The following RBFOX1 variants were observed in gnomAD, a reference collection of about 807,000 sequenced individuals.
RBFOX1 encodes the protein RNA binding protein fox-1 homolog 1.
RBFOX1 carries 8 observed loss-of-function variants against 57.7 expected under a neutral mutation model. That is an observed-to-expected ratio of 0.14 (90% CI 0.08 to 0.25). The LOEUF (loss-of-function observed/expected upper bound fraction) is 0.25, where lower values mean the gene tolerates loss of function less well. Ranked by LOEUF, RBFOX1 falls within the 10% of genes least tolerant of loss-of-function variation. The pLI is 1.00. For synonymous variants in RBFOX1, 326 were observed against 222.4 expected, an observed-to-expected ratio of 1.47 and a Z score of -4.15; for missense variants, 611 against 548.5, an observed-to-expected ratio of 1.11 and a Z score of -1.14.
intron 4 of RBFOX1, among the ~76,000 whole-genome samples, chr16:7,180,960 C>A (rs891103633): frequency 6.6e-6 from 1 of 152,322 alleles, no homozygotes; most frequent in African/African-American, 2.4e-5. Context: ...AACTACTCAG[C>A]TTTGCAGTTG....
chr16:5,477,837 T>A (rs927229995), intron 2 of RBFOX1, among the ~76,000 whole-genome samples: 60 of 152,306 alleles, frequency 3.9e-4, no homozygotes, highest in African/African-American at 1.4e-3. Flanking sequence ...AATTTCTGGC[T>A]CAGACACTAT....
intron 2 of RBFOX1, among the ~76,000 whole-genome samples, chr16:6,470,593 G>A (rs979515098): frequency 2.6e-5 from 4 of 152,144 alleles, no homozygotes; most frequent in African/African-American, 9.7e-5. Flanking sequence ...TATCTATCCA[G>A]TTGCCTCTTG....
chr16:7,303,508 C>T (rs1010230127), intron 4 of RBFOX1, among the ~76,000 whole-genome samples: 5 of 152,202 alleles, frequency 3.3e-5, no homozygotes, highest in Non-Finnish European at 7.3e-5. Context: ...CGCTCGCCTG[C>T]TCACCGGCAG....
At chr16:6,003,903 C>A (rs1358708128) in intron 4 of RBFOX1, among the ~76,000 whole-genome samples, 1 of 152,166 alleles carries the variant, frequency 6.6e-6, no homozygotes, top group Non-Finnish European at 1.5e-5. Context: ...TTAAGAGAGT[C>A]CACAAATCTG....
chr16:6,714,932 A>C (rs914989830), intron 3 of RBFOX1, among the ~76,000 whole-genome samples: 1 of 152,192 alleles, frequency 6.6e-6, no homozygotes, highest in Non-Finnish European at 1.5e-5. Flanking sequence ...ATTGGAGCTG[A>C]AGACTTAAGT....
chr16:6,626,187 G>A (rs1238354752), intron 2 of RBFOX1, among the ~76,000 whole-genome samples: 2 of 136,716 alleles, frequency 1.5e-5, no homozygotes, highest in Non-Finnish European at 3.1e-5. Flanking sequence ...CTGTATTTCT[G>A]ACCTTCTGCT....
chr16:7,007,838 C>G (rs185746718), intron 3 of RBFOX1, among the ~76,000 whole-genome samples: 1 of 152,180 alleles, frequency 6.6e-6, no homozygotes, highest in South Asian at 2.1e-4. Context: ...CTGTAGCCCA[C>G]CTAGTGGACA....
chr16:6,884,921 A>C (rs1375951538), intron 3 of RBFOX1, among the ~76,000 whole-genome samples: 1 of 152,126 alleles, frequency 6.6e-6, no homozygotes, highest in Non-Finnish European at 1.5e-5. Flanking sequence ...AAACAAAAAA[A>C]CCCTGCAAAT....
chr16:6,850,984 C>T (rs573432050), intron 3 of RBFOX1, among the ~76,000 whole-genome samples: 1 of 152,214 alleles, frequency 6.6e-6, no homozygotes, highest in South Asian at 2.1e-4. Context: ...CGTATGTTTT[C>T]AGTGCATGAA....
intron 2 of RBFOX1, among the ~76,000 whole-genome samples, chr16:5,511,437 C>T (rs540291323): frequency 5.0e-4 from 76 of 152,166 alleles, no homozygotes; most frequent in African/African-American, 1.8e-3. Flanking sequence ...TGTCCTTTGT[C>T]GATAAGTCAA....
At chr16:6,966,885 A>T (rs984594817) in intron 3 of RBFOX1, among the ~76,000 whole-genome samples, 1 of 135,030 alleles carries the variant, frequency 7.4e-6, no homozygotes, top group Non-Finnish European at 1.6e-5. Context: ...GTATCCATCT[A>T]TTCATCTCTC....
intron 5 of RBFOX1, among the ~76,000 whole-genome samples, chr16:7,547,644 A>G (rs1601533634): frequency 6.6e-6 from 1 of 152,372 alleles, no homozygotes; most frequent in East Asian, 1.9e-4. Context: ...TAGCTGCACC[A>G]TTAAAAGGCA....
intron 2 of RBFOX1, among the ~76,000 whole-genome samples, chr16:6,411,076 C>T (rs2093444450): frequency 6.6e-6 from 1 of 152,178 alleles, no homozygotes; most frequent in Admixed American, 6.5e-5. Flanking sequence ...TATTATTCCC[C>T]TACTCTGAAA....
At chr16:6,525,294 C>A (rs1177502991) in intron 2 of RBFOX1, among the ~76,000 whole-genome samples, 2 of 152,130 alleles carry the variant, frequency 1.3e-5, no homozygotes, top group Admixed American at 6.6e-5. Flanking sequence ...CCTAAACTTA[C>A]TGGGGAGTAT....
intron 4 of RBFOX1, among the ~76,000 whole-genome samples, chr16:7,341,412 C>G (rs977154547): frequency 6.6e-6 from 1 of 152,144 alleles, no homozygotes; most frequent in African/African-American, 2.4e-5. Flanking sequence ...TGTTGTCTTG[C>G]AAGCTCTGGA....
intron 4 of RBFOX1, among the ~76,000 whole-genome samples, chr16:7,173,729 C>G (rs1453296576): frequency 6.6e-6 from 1 of 152,202 alleles, no homozygotes; most frequent in African/African-American, 2.4e-5. Flanking sequence ...TGTAAAGAAA[C>G]TAATTCCATA....
chr16:7,054,545 T>TGGCGGG lies in RBFOX1; in HGVS notation c.27+2449_27+2450insCGGGGG, dbSNP rs1555823213. ...TGTGAGCCACTGCGCCAAACCTGGG[T>TGGCGGG]GGGGGGGCATTTTTTAAGGGTTTCT... On this transcript the variant is annotated intron_variant, in intron 4 of 15. Transcript: ENST00000550418. 3.7e-5 allele frequency among the ~76,000 whole-genome samples: 4 copies of TGGCGGG among 108,404 alleles called. 1 individual carries two copies. The highest frequency in any genetic ancestry group is 2.1e-4 in the Admixed American group (2 of 9,662). The allele number at this position is 108,404 out of a possible 152,430, so 71.1% of individuals were successfully genotyped here.
intron 3 of RBFOX1, among the ~76,000 whole-genome samples, chr16:5,696,669 T>C (rs1377537652): frequency 2.6e-5 from 4 of 152,214 alleles, no homozygotes; most frequent in Non-Finnish European, 4.4e-5. Context: ...ATAATTATTA[T>C]AATTTTGATA....
At chr16:6,917,724 A>T (rs530892839) in intron 3 of RBFOX1, among the ~76,000 whole-genome samples, 24 of 152,016 alleles carry the variant, frequency 1.6e-4, no homozygotes, top group South Asian at 4.2e-4. Flanking sequence ...TTCGATGGGA[A>T]CCTCGGCATT....
Sources: gnomAD v4.1 joint callset for allele counts (sites outside exome capture counted in the v4.1 genomes callset) on GRCh38, gnomAD v4.1.1 for gene constraint, MANE v1.5 for transcripts, NCBI Gene and HGNC (gene_info 2026-07-23, HGNC 2026-07-21) for gene names.